JAM3: variants seen among roughly 807,000 people sequenced by gnomAD.
The protein encoded by JAM3 is junctional adhesion molecule 3.
In JAM3, 31 loss-of-function variants were observed where a neutral mutation model predicts 39.4. The ratio of observed to expected loss-of-function variants is 0.79; its 90% confidence interval spans 0.59 to 1.06. The LOEUF (loss-of-function observed/expected upper bound fraction) is 1.06. JAM3 is among the 50% of genes least tolerant of loss of function. The pLI is 0.00. For synonymous variants in JAM3, 182 were observed against 148.7 expected, an observed-to-expected ratio of 1.22 and a Z score of -1.63; for missense variants, 455 against 391.4, an observed-to-expected ratio of 1.16 and a Z score of -1.37.
rs575317053 is a variant in JAM3 at position 134,110,883 on chromosome 11, CA to C, written c.77-28962del. ...GATTGTTTTTTTAAAAGTCCAAAAC[CA>C]AAAAATTGGGCTCTGATGTGTGGCC... On this transcript the variant is annotated intron_variant, in intron 1 of 8. Coordinates refer to ENST00000299106, the MANE Select transcript of JAM3 (RefSeq NM_032801.5). 9.9e-5 allele frequency among the ~76,000 whole-genome samples: 15 copies of C among 151,636 alleles called. No homozygotes were observed. In the East Asian group the frequency reaches 2.9e-3, roughly 29 times the overall value.
intron 1 of JAM3, among the ~76,000 whole-genome samples, chr11:134,089,645 T>C (rs1941807652): frequency 6.6e-6 from 1 of 152,228 alleles, no homozygotes. Context: ...AACTCATCAT[T>C]TTTTATGGCT....
chr11:134,091,629 CAAA>C (rs5795871), intron 1 of JAM3, among the ~76,000 whole-genome samples: 2 of 147,152 alleles, frequency 1.4e-5, no homozygotes, highest in Non-Finnish European at 3.0e-5. Flanking sequence ...AACCCCGTGT[CAAA>C]AAAAAAAAAA....
chr11:134,082,805 A>G (rs1355220249), intron 1 of JAM3, among the ~76,000 whole-genome samples: 2 of 152,210 alleles, frequency 1.3e-5, no homozygotes, highest in East Asian at 3.8e-4. Context: ...TAACCCCCCC[A>G]GAAGACCATT....
At chr11:134,142,176 C>T (rs993242616) in intron 3 of JAM3, among the ~76,000 whole-genome samples, 7 of 152,112 alleles carry the variant, frequency 4.6e-5, no homozygotes, top group Non-Finnish European at 8.8e-5. Flanking sequence ...GGGGATTAAA[C>T]ATTTTGCTCT....
intron 1 of JAM3, among the ~76,000 whole-genome samples, chr11:134,089,299 C>G (rs1452032751): frequency 6.6e-6 from 1 of 151,934 alleles, no homozygotes; most frequent in Admixed American, 6.6e-5. Context: ...ATTATCATAT[C>G]CTAGGTTTTC....
chr11:134,147,045 CAT>C (rs1027378005), intron 6 of JAM3, among the ~76,000 whole-genome samples: 27 of 152,292 alleles, frequency 1.8e-4, no homozygotes, highest in East Asian at 1.5e-3. Flanking sequence ...GGATTCTTCT[CAT>C]GTGTCACGTT....
At chr11:134,097,435 T>C (rs1484563913) in intron 1 of JAM3, among the ~76,000 whole-genome samples, 1 of 152,186 alleles carries the variant, frequency 6.6e-6, no homozygotes, top group Non-Finnish European at 1.5e-5. Context: ...TGAGATTCGG[T>C]GAAATTCGCA....
At chr11:134,129,611 T>G (rs1373939315) in intron 1 of JAM3, among the ~76,000 whole-genome samples, 1 of 152,246 alleles carries the variant, frequency 6.6e-6, no homozygotes, top group African/African-American at 2.4e-5. Flanking sequence ...TTCTAAAATG[T>G]TTAACTTACT....
chr11:134,091,375 G>T (rs185255243), intron 1 of JAM3, among the ~76,000 whole-genome samples: 1 of 152,020 alleles, frequency 6.6e-6, no homozygotes, highest in African/African-American at 2.4e-5. Flanking sequence ...CGCGCCTGTA[G>T]TCCCAGCTAC....
chr11:134,099,950 T>G (rs1485309212), intron 1 of JAM3, among the ~76,000 whole-genome samples: 2 of 152,182 alleles, frequency 1.3e-5, no homozygotes, highest in Non-Finnish European at 1.5e-5. Context: ...CTTTGCTCAG[T>G]GGAGATTTTC....
chr11:134,087,939 G>A (rs1181057482), intron 1 of JAM3, among the ~76,000 whole-genome samples: 10 of 152,104 alleles, frequency 6.6e-5, no homozygotes, highest in Admixed American at 6.6e-4. Flanking sequence ...TAACATCTCT[G>A]GCCTCTAAAT....
At chr11:134,122,032 A>AT (rs1942543910) in intron 1 of JAM3, among the ~76,000 whole-genome samples, 1 of 152,082 alleles carries the variant, frequency 6.6e-6, no homozygotes, top group African/African-American at 2.4e-5. Context: ...ATATACCATT[A>AT]TTTTTTTACT....
At position 134,142,591 on chromosome 11, in the gene JAM3, A is replaced by C. The variant is rs182078806; in HGVS notation, c.257-1650A>C. Among the ~76,000 whole-genome samples, 72 of 152,130 alleles carry C rather than the reference A, an allele frequency of 4.7e-4. 1 individual carries two copies. The highest frequency in any genetic ancestry group is 1.6e-3 in the African/African-American group (67 of 41,486). On this transcript the variant is annotated intron_variant, in intron 3 of 8. Transcript: ENST00000299106. Reference sequence around the variant, plus strand: ...TTCCAGGTTCTTCCTGCTTCTTTGAAAGTGTTATTATGTCTTATGTTTAAA... The same window carrying C: ...TTCCAGGTTCTTCCTGCTTCTTTGACAGTGTTATTATGTCTTATGTTTAAA...
intron 1 of JAM3, among the ~76,000 whole-genome samples, chr11:134,129,081 CT>C (rs1565499274): frequency 6.6e-6 from 1 of 151,392 alleles, no homozygotes; most frequent in African/African-American, 2.4e-5. Flanking sequence ...CTCATATTAT[CT>C]TTCCCCTGTG....
At chr11:134,096,374 A>T (rs1941983767) in intron 1 of JAM3, among the ~76,000 whole-genome samples, 1 of 152,182 alleles carries the variant, frequency 6.6e-6, no homozygotes, top group African/African-American at 2.4e-5. Flanking sequence ...TGGTCTGTTC[A>T]CTTCCATCCA....
chr11:134,070,274 C>A, intron 1 of JAM3: 1 of 453,476 alleles, frequency 2.2e-6, no homozygotes. Flanking sequence ...GGCAGCCATC[C>A]GCAGGTAACC....
intron 1 of JAM3, among the ~76,000 whole-genome samples, chr11:134,092,811 T>C (rs1443436355): frequency 3.8e-4 from 47 of 124,806 alleles, no homozygotes; most frequent in East Asian, 1.2e-3. Flanking sequence ...ACATGTCACT[T>C]CCTGAGGGAA....
At chr11:134,124,610 T>C (rs914685126) in intron 1 of JAM3, among the ~76,000 whole-genome samples, 15 of 152,214 alleles carry the variant, frequency 9.9e-5, no homozygotes, top group African/African-American at 3.6e-4. Context: ...TAAGCAGCCT[T>C]TACTACATTT....
intron 1 of JAM3, among the ~76,000 whole-genome samples, chr11:134,107,191 A>C (rs1942209058): frequency 1.3e-5 from 2 of 152,224 alleles, no homozygotes; most frequent in Non-Finnish European, 2.9e-5. Context: ...CGGGATATGG[A>C]TGAAGCTGGA....
Sources: gnomAD v4.1 joint callset for allele counts (sites outside exome capture counted in the v4.1 genomes callset) on GRCh38, gnomAD v4.1.1 for gene constraint, MANE v1.5 for transcripts, NCBI Gene and HGNC (gene_info 2026-07-23, HGNC 2026-07-21) for gene names.